Variants in OLFML1 observed in about 807,000 individuals in gnomAD.
The protein encoded by OLFML1 is olfactomedin like 1.
OLFML1 carries 33 observed loss-of-function variants against 37.3 expected under a neutral mutation model. The observed-to-expected ratio is 0.88, with a 90% CI of 0.67 to 1.18. OLFML1 has a LOEUF of 1.18. OLFML1 is among the 50% of genes most tolerant of loss of function. The probability of loss-of-function intolerance (pLI) is 0.00; values close to 1 mark genes in which losing one functional copy is unlikely to be tolerated. For synonymous variants in OLFML1, 186 were observed against 181.3 expected (o/e 1.03, Z -0.21); for missense variants, 545 against 483.7 (o/e 1.13, Z -1.19).
At chr11:7,494,484 A>G (rs1037363095) in intron 2 of OLFML1, among the ~76,000 whole-genome samples, 1 of 152,246 alleles carries the variant, frequency 6.6e-6, no homozygotes, top group Non-Finnish European at 1.5e-5. Context: ...TAGATGAGAA[A>G]ACAAAGACAC....
chr11:7,501,020 T>C (rs941977186), intron 2 of OLFML1, among the ~76,000 whole-genome samples: 3 of 152,224 alleles, frequency 2.0e-5, no homozygotes, highest in Admixed American at 6.5e-5. Flanking sequence ...TGTTCCTTAA[T>C]AGAAATAGCT....
At chr11:7,509,035 T>C (rs924883454) in intron 2 of OLFML1, among the ~76,000 whole-genome samples, 1 of 152,236 alleles carries the variant, frequency 6.6e-6, no homozygotes. Context: ...ATTTATTTAT[T>C]CTTTCATTCG....
chr11:7,492,819 TCTAA>T (rs1242391339), intron 2 of OLFML1, among the ~76,000 whole-genome samples: 2 of 152,130 alleles, frequency 1.3e-5, no homozygotes, highest in African/African-American at 2.4e-5. Flanking sequence ...TTGAATATAA[TCTAA>T]CTTATATTTT....
At chr11:7,501,702 G>A (rs1242988382) in intron 2 of OLFML1, among the ~76,000 whole-genome samples, 1 of 152,070 alleles carries the variant, frequency 6.6e-6, no homozygotes, top group Non-Finnish European at 1.5e-5. Flanking sequence ...TGGAATAATG[G>A]GTTTGAAAGT....
chr11:7,508,468 G>A (rs1470800132), intron 2 of OLFML1, among the ~76,000 whole-genome samples: 2 of 152,088 alleles, frequency 1.3e-5, no homozygotes, highest in East Asian at 3.9e-4. Context: ...TATCCTTCAA[G>A]GACCAAATCA....
At chr11:7,497,006 G>T (rs1168371768) in intron 2 of OLFML1, among the ~76,000 whole-genome samples, 1 of 152,130 alleles carries the variant, frequency 6.6e-6, no homozygotes, top group East Asian at 1.9e-4. Context: ...CTCCAGCCTG[G>T]GTGATAGAGA....
intron 2 of OLFML1, among the ~76,000 whole-genome samples, chr11:7,495,872 T>G (rs930922309): frequency 6.6e-6 from 1 of 152,118 alleles, no homozygotes; most frequent in East Asian, 1.9e-4. Flanking sequence ...CTCCTCACAT[T>G]CCTGTCACAT....
In OLFML1 at chr11:7,509,943, C is replaced by G. The variant is rs571191758; in HGVS notation, c.964C>G (p.Leu322Val). The G allele has an allele frequency of 5.6e-6, 9 of 1,614,240 alleles. No individual in the cohort carries two copies. The highest frequency in any genetic ancestry group is 1.3e-5 in the African/African-American group (1 of 75,054). ...CRSQDAEASFLLCGVLYVVYS... is the reference protein window; with the variant it reads ...CRSQDAEASFVLCGVLYVVYS... ...AAGCCAGGATGCTGAAGCCTCATTC[C>G]TCTTGTGTGGGGTTCTCTATGTGGT... The change falls in exon 3 of 3, where the codon CTC becomes GTC. Residue 322 changes from leucine to valine, a missense_variant. Transcript: ENST00000329293.
chr11:7,500,106 T>C (rs1848703489), intron 2 of OLFML1, among the ~76,000 whole-genome samples: 1 of 152,194 alleles, frequency 6.6e-6, no homozygotes, highest in Non-Finnish European at 1.5e-5. Context: ...TTGCGCACAT[T>C]GGTCTTGAAC....
At chr11:7,504,339 G>A (rs972482463) in intron 2 of OLFML1, among the ~76,000 whole-genome samples, 3 of 152,110 alleles carry the variant, frequency 2.0e-5, no homozygotes, top group African/African-American at 7.2e-5. Context: ...CAAGGAGAGG[G>A]AGAACAAAGA....
At chr11:7,503,829 T>C (rs1049140699) in intron 2 of OLFML1, among the ~76,000 whole-genome samples, 3 of 152,068 alleles carry the variant, frequency 2.0e-5, no homozygotes, top group Admixed American at 1.3e-4. Context: ...GAATGTAGGG[T>C]TGGGAGCAGT....
chr11:7,501,236 G>A (rs192563223), intron 2 of OLFML1, among the ~76,000 whole-genome samples: 157 of 152,304 alleles, frequency 1.0e-3, no homozygotes, highest in African/African-American at 3.5e-3. Flanking sequence ...GGCAAACAGG[G>A]CAGATCATTC....
chr11:7,504,622 G>A (rs1848762272), intron 2 of OLFML1: 3 of 152,210 alleles, frequency 2.0e-5, no homozygotes, highest in Middle Eastern at 3.2e-3. Flanking sequence ...CTTTCTCACG[G>A]AGTAAGTGGG....
At chr11:7,502,618 T>C (rs573368137) in intron 2 of OLFML1, among the ~76,000 whole-genome samples, 49 of 152,202 alleles carry the variant, frequency 3.2e-4, no homozygotes, top group Non-Finnish European at 3.1e-4. Flanking sequence ...TTGCTTTTTT[T>C]TTTTCTGGGA....
chr11:7,496,032 C>T (rs1848658895), intron 2 of OLFML1, among the ~76,000 whole-genome samples: 1 of 152,216 alleles, frequency 6.6e-6, no homozygotes, highest in South Asian at 2.1e-4. Flanking sequence ...AAACAACAAT[C>T]GTTTATCATT....
At chr11:7,487,880 T>C (rs893394794) in intron 1 of OLFML1, among the ~76,000 whole-genome samples, 1 of 152,154 alleles carries the variant, frequency 6.6e-6, no homozygotes, top group Non-Finnish European at 1.5e-5. Context: ...ACAAAACATA[T>C]AGTAAAATCA....
chr11:7,499,046 A>C (rs1848692309), intron 2 of OLFML1, among the ~76,000 whole-genome samples: 1 of 152,226 alleles, frequency 6.6e-6, no homozygotes, highest in Non-Finnish European at 1.5e-5. Context: ...ACTCCCATAC[A>C]AAGGAATAAG....
intron 2 of OLFML1, among the ~76,000 whole-genome samples, chr11:7,493,175 C>G (rs928819997): frequency 6.6e-6 from 1 of 152,102 alleles, no homozygotes; most frequent in Non-Finnish European, 1.5e-5. Flanking sequence ...AAAAAGTTAC[C>G]TCAAGTAACC....
rs1848852434 is a variant in OLFML1, at chr11:7,510,962, T to G, written c.*774T>G. 6.6e-6 allele frequency: 1 copy of G among 152,256 alleles called. No individual in the cohort carries two copies. Among genetic ancestry groups the G allele is most frequent in the Non-Finnish European group, 1.5e-5 (1 of 68,048 alleles). The allele number at this position is 152,256 out of a possible 1,614,324, so 9.4% of individuals were successfully genotyped here. A position where few individuals can be genotyped will look rare whatever the true frequency, so the allele number is the denominator to read the frequency against. On this transcript the variant is annotated 3_prime_UTR_variant, in exon 3 of 3. Coordinates refer to ENST00000329293, the MANE Select transcript of OLFML1 (RefSeq NM_198474.4). ...CATCATTTAATTCTCGTTTCACCTTTGTGAAACATGCACAAGTCTTTACAG... is the reference window on the plus strand; with the variant it reads ...CATCATTTAATTCTCGTTTCACCTTGGTGAAACATGCACAAGTCTTTACAG...
Sources: allele counts gnomAD v4.1 joint callset (sites outside exome capture counted in the v4.1 genomes callset), GRCh38; gene constraint gnomAD v4.1.1; transcripts MANE v1.5; gene names NCBI Gene and HGNC (gene_info 2026-07-23, HGNC 2026-07-21).